The following CNTN3 variants were observed in gnomAD, a reference collection of about 807,000 sequenced individuals.
CNTN3 encodes the protein contactin-3.
Under a neutral mutation model 119.1 loss-of-function variants are expected in CNTN3, and 60 were observed. That is an observed-to-expected ratio of 0.50 (90% CI 0.41 to 0.62). The LOEUF is 0.62. Among genes scored for constraint, CNTN3 ranks in the 20% least tolerant of loss-of-function variants. The pLI is 0.00. For synonymous variants in CNTN3, 450 were observed against 438.7 expected, an observed-to-expected ratio of 1.03 and a Z score of -0.32; for missense variants, 1,101 against 1,242.4, an observed-to-expected ratio of 0.89 and a Z score of 1.71.
intron 4 of CNTN3, among the ~76,000 whole-genome samples, chr3:74,426,672 G>C (rs1042669174): frequency 2.0e-5 from 3 of 152,144 alleles, no homozygotes; most frequent in Admixed American, 2.0e-4. Flanking sequence ...TTAACCACAC[G>C]CTATCCAACA....
intron 2 of CNTN3, among the ~76,000 whole-genome samples, chr3:74,513,193 A>T (rs1226446934): frequency 6.6e-6 from 1 of 152,148 alleles, no homozygotes; most frequent in Non-Finnish European, 1.5e-5. Context: ...TGTTGCCATG[A>T]ACAAAGTAAA....
intron 1 of CNTN3, among the ~76,000 whole-genome samples, chr3:74,579,426 T>C (rs559780527): frequency 6.6e-6 from 1 of 150,592 alleles, no homozygotes; most frequent in Admixed American, 6.6e-5. Context: ...CCAGTGTTCC[T>C]AACAGGCATT....
Position 74,461,572 on chromosome 3 carries a change from A to G in CNTN3, c.358+24884T>C, listed in dbSNP as rs963976308. Among the ~76,000 whole-genome samples the G allele has an allele frequency of 4.6e-5, 7 of 152,064 alleles. No homozygotes were observed. In the South Asian group the frequency reaches 1.2e-3, roughly 27 times the overall value. On this transcript the variant is annotated intron_variant, in intron 4 of 22. Transcript: ENST00000263665. ...AAATTTGGATGTCCTTCTTTTGGCAATGTTAAAATTGATAAGTAGGTTCAT... is the reference window on the plus strand; with the variant it reads ...AAATTTGGATGTCCTTCTTTTGGCAGTGTTAAAATTGATAAGTAGGTTCAT...
chr3:74,564,464 A>C (rs1039667950), intron 1 of CNTN3, among the ~76,000 whole-genome samples: 15 of 151,774 alleles, frequency 9.9e-5, no homozygotes, highest in African/African-American at 3.1e-4. Flanking sequence ...TCATGATTAG[A>C]TATGTGTGTT....
chr3:74,297,886 C>G, intron 18 of CNTN3, 71 bp downstream of exon 18: 6 of 1,207,938 alleles, frequency 5.0e-6, no homozygotes, highest in Non-Finnish European at 7.1e-6. Context: ...CAAAACGAGA[C>G]TCCAAATCAG....
At chr3:74,518,886 T>A (rs1703495476) in intron 2 of CNTN3, among the ~76,000 whole-genome samples, 1 of 151,874 alleles carries the variant, frequency 6.6e-6, no homozygotes, top group African/African-American at 2.4e-5. Flanking sequence ...TATGTGAATT[T>A]TGTGGGCATA....
At chr3:74,580,781 T>C (rs1704492844) in intron 1 of CNTN3, among the ~76,000 whole-genome samples, 2 of 152,210 alleles carry the variant, frequency 1.3e-5, no homozygotes, top group Non-Finnish European at 2.9e-5. Context: ...GGTGCCAACA[T>C]GGCTTACTGC....
chr3:74,412,962 G>A (rs1266536235), intron 5 of CNTN3, among the ~76,000 whole-genome samples: 1 of 152,030 alleles, frequency 6.6e-6, no homozygotes, highest in Admixed American at 6.6e-5. Flanking sequence ...AGACCACAAA[G>A]GTCAAATAAC....
chr3:74,327,683 T>C (rs1482682981), intron 13 of CNTN3, among the ~76,000 whole-genome samples: 1 of 152,170 alleles, frequency 6.6e-6, no homozygotes, highest in Non-Finnish European at 1.5e-5. Context: ...TAAAATTATC[T>C]AGCCCTAAAA....
chr3:74,301,199 AAT>A (rs1445771256), intron 16 of CNTN3, among the ~76,000 whole-genome samples, 197 bp downstream of exon 16: 4 of 152,194 alleles, frequency 2.6e-5, no homozygotes, highest in African/African-American at 9.7e-5. Context: ...AACTCTTGGA[AAT>A]GTCATACTAC....
At chr3:74,350,369 T>G (rs889564966) in intron 11 of CNTN3, among the ~76,000 whole-genome samples, 1 of 152,046 alleles carries the variant, frequency 6.6e-6, no homozygotes, top group Non-Finnish European at 1.5e-5. Context: ...AAAACCACAA[T>G]GAGATACCAT....
chr3:74,454,805 A>G lies in CNTN3; in HGVS notation c.359-29865T>C, dbSNP rs555969713. Among the ~76,000 whole-genome samples the G allele has an allele frequency of 2.1e-3, 322 of 152,088 alleles. 1 individual carries two copies. Among genetic ancestry groups the G allele is most frequent in the South Asian group, 4.4e-3 (21 of 4,818 alleles). On this transcript the variant is annotated intron_variant, in intron 4 of 22. Transcript: ENST00000263665. ...TGGCTGGATATGAAATTCTGGGTTG[A>G]AAATTCTTTTAAGAATGTTGAATAT...
intron 19 of CNTN3, among the ~76,000 whole-genome samples, chr3:74,289,136 C>T (rs1702176832): frequency 2.0e-5 from 3 of 152,158 alleles, no homozygotes. Flanking sequence ...GTCCTTCTCC[C>T]CCAACCAAGG....
chr3:74,313,217 T>C (rs1251273388), intron 13 of CNTN3, among the ~76,000 whole-genome samples: 2 of 148,992 alleles, frequency 1.3e-5, no homozygotes, highest in Admixed American at 1.3e-4. Flanking sequence ...ATAAGGGAAA[T>C]ATCAGAAAGA....
chr3:74,526,258 A>T (rs1703617890), intron 1 of CNTN3, among the ~76,000 whole-genome samples: 1 of 151,778 alleles, frequency 6.6e-6, no homozygotes, highest in South Asian at 2.1e-4. Context: ...TTATTATAGT[A>T]AAATATTCAA....
At chr3:74,579,088 A>G (rs952771808) in intron 1 of CNTN3, among the ~76,000 whole-genome samples, 1 of 152,084 alleles carries the variant, frequency 6.6e-6, no homozygotes, top group Admixed American at 6.6e-5. Context: ...AACAATCAGC[A>G]TAAGAAAGCT....
intron 4 of CNTN3, among the ~76,000 whole-genome samples, chr3:74,438,357 C>G (rs970456738): frequency 1.3e-5 from 2 of 152,056 alleles, no homozygotes; most frequent in African/African-American, 4.8e-5. Flanking sequence ...GATAACATAA[C>G]GTGTTAGAGG....
chr3:74,411,678 T>C (rs540201790), intron 5 of CNTN3, among the ~76,000 whole-genome samples: 1 of 152,260 alleles, frequency 6.6e-6, no homozygotes, highest in East Asian at 1.9e-4. Context: ...GCATAACATA[T>C]GCTGACAGAA....
chr3:74,320,478 T>C (rs1188749421), intron 13 of CNTN3, among the ~76,000 whole-genome samples: 1 of 151,414 alleles, frequency 6.6e-6, no homozygotes, highest in Non-Finnish European at 1.5e-5. Flanking sequence ...TGAGAACACA[T>C]GGACACAGGA....
Sources: allele counts gnomAD v4.1 joint callset (sites outside exome capture counted in the v4.1 genomes callset), GRCh38; gene constraint gnomAD v4.1.1; transcripts MANE v1.5; gene names NCBI Gene and HGNC (gene_info 2026-07-23, HGNC 2026-07-21).